Variants in WWOX observed in about 807,000 individuals in gnomAD.
WWOX encodes WW domain-containing oxidoreductase.
Under a neutral mutation model 46.2 loss-of-function variants are expected in WWOX, and 69 were observed. The observed-to-expected ratio is 1.49, with a 90% CI of 1.23 to 1.82. The LOEUF is 1.82. Among genes scored for constraint, WWOX ranks in the 40% most tolerant of loss-of-function variants. The probability of loss-of-function intolerance (pLI) is 0.00; values close to 1 mark genes in which losing one functional copy is unlikely to be tolerated. For synonymous variants in WWOX, 359 were observed against 202.6 expected (o/e 1.77, Z -6.56); for missense variants, 919 against 542.6 (o/e 1.69, Z -6.89).
rs866264919 is a variant in WWOX, at chr16:78,434,032, G to A, written c.1056+1280G>A. Among the ~76,000 whole-genome samples, 8 of 151,848 alleles carry A rather than the reference G, an allele frequency of 5.3e-5. No individual in the cohort carries two copies. In the South Asian group the frequency reaches 8.3e-4, roughly 16 times the overall value. On this transcript the variant is annotated intron_variant, in intron 8 of 8. Coordinates refer to ENST00000566780, the MANE Select transcript of WWOX (RefSeq NM_016373.4). ...TCTCAATCTCCTGACCTCGTGATCCGCCCGCCTCGGCCTCCCAAAGTGCTG... is the reference window on the plus strand; with the variant it reads ...TCTCAATCTCCTGACCTCGTGATCCACCCGCCTCGGCCTCCCAAAGTGCTG...
intron 8 of WWOX, among the ~76,000 whole-genome samples, chr16:78,659,894 A>G (rs1404709409): frequency 6.6e-6 from 1 of 152,196 alleles, no homozygotes; most frequent in African/African-American, 2.4e-5. Context: ...AGGCTCAACT[A>G]TCAGCCGCCT....
At chr16:79,165,917 C>T (rs549746464) in intron 8 of WWOX, among the ~76,000 whole-genome samples, 2 of 152,332 alleles carry the variant, frequency 1.3e-5, no homozygotes, top group African/African-American at 4.8e-5. Flanking sequence ...TACTAATCAA[C>T]TCAATTACCA....
intron 8 of WWOX, among the ~76,000 whole-genome samples, chr16:78,639,400 C>G (rs534007599): frequency 6.6e-6 from 1 of 152,142 alleles, no homozygotes; most frequent in Non-Finnish European, 1.5e-5. Context: ...GAATTATTCT[C>G]TCACTTTGCA....
chr16:79,037,773 CT>C (rs756678561), intron 8 of WWOX, among the ~76,000 whole-genome samples: 8 of 152,092 alleles, frequency 5.3e-5, no homozygotes, highest in African/African-American at 9.7e-5. Flanking sequence ...TTTTTATCCC[CT>C]ACAAGGTCAT....
intron 8 of WWOX, among the ~76,000 whole-genome samples, chr16:78,562,711 G>C (rs567199217): frequency 6.6e-6 from 1 of 152,242 alleles, no homozygotes; most frequent in East Asian, 1.9e-4. Flanking sequence ...CAATCTGATC[G>C]CTCCCCTGAA....
rs2047594275 is a variant in WWOX, at chr16:79,024,341, C to G, written c.1057-187267C>G. 2.0e-5 allele frequency among the ~76,000 whole-genome samples: 3 copies of G among 152,172 alleles called. No homozygotes were observed. In the South Asian group the frequency reaches 6.2e-4, roughly 32 times the overall value. On this transcript the variant is annotated intron_variant, in intron 8 of 8. Transcript: ENST00000566780. ...TGGCACAGTCACAGCTCACTGCAGC[C>G]TCAAACTCCTAAGGTGAAGAGACCC...
At chr16:78,397,089 T>C (rs2082304337) in intron 6 of WWOX, among the ~76,000 whole-genome samples, 1 of 152,340 alleles carries the variant, frequency 6.6e-6, no homozygotes, top group Middle Eastern at 3.4e-3. Flanking sequence ...GTTGTGTGCA[T>C]AGTTAATTTC....
At chr16:78,106,922 G>C (rs2032183938) in intron 1 of WWOX, among the ~76,000 whole-genome samples, 1 of 152,214 alleles carries the variant, frequency 6.6e-6, no homozygotes, top group Non-Finnish European at 1.5e-5. Flanking sequence ...AGCATGGGCT[G>C]CTCAGGTCTT....
intron 8 of WWOX, among the ~76,000 whole-genome samples, chr16:78,824,342 C>G (rs1032374298): frequency 6.6e-6 from 1 of 152,126 alleles, no homozygotes; most frequent in Non-Finnish European, 1.5e-5. Flanking sequence ...TTACTGTATT[C>G]AGTCCAAGCT....
chr16:78,961,682 G>A (rs1214559056), intron 8 of WWOX, among the ~76,000 whole-genome samples: 1 of 152,104 alleles, frequency 6.6e-6, no homozygotes, highest in Non-Finnish European at 1.5e-5. Flanking sequence ...CCCAAGGTGA[G>A]CTTGTTAAAA....
At chr16:78,149,715 C>G (rs376916919) in intron 4 of WWOX, among the ~76,000 whole-genome samples, 14 of 152,094 alleles carry the variant, frequency 9.2e-5, no homozygotes, top group African/African-American at 2.7e-4. Context: ...GCCTATATCT[C>G]GTAATATCCA....
chr16:79,029,806 T>C (rs2047717833), intron 8 of WWOX, among the ~76,000 whole-genome samples: 1 of 152,354 alleles, frequency 6.6e-6, no homozygotes, highest in Non-Finnish European at 1.5e-5. Flanking sequence ...ACTCTCCCGC[T>C]AGTATAAAGA....
intron 8 of WWOX, among the ~76,000 whole-genome samples, chr16:79,141,043 A>C (rs950757592): frequency 2.0e-5 from 3 of 152,212 alleles, no homozygotes; most frequent in Non-Finnish European, 2.9e-5. Context: ...CCCCCAAATC[A>C]CTAAGCTAAA....
chr16:78,152,183 C>T lies in WWOX; in HGVS notation c.410-12000C>T, dbSNP rs926730238. 2.8e-4 allele frequency among the ~76,000 whole-genome samples: 39 copies of T among 138,436 alleles called. 1 individual carries two copies. The highest frequency in any genetic ancestry group is 4.7e-4 in the Non-Finnish European group (30 of 63,896). 90.8% of individuals were successfully genotyped at this position (138,436 alleles called of 152,430 possible). A position where few individuals can be genotyped will look rare whatever the true frequency, so the allele number is the denominator to read the frequency against. On this transcript the variant is annotated intron_variant, in intron 4 of 8. Coordinates refer to ENST00000566780, the MANE Select transcript of WWOX (RefSeq NM_016373.4). ...CCAGCCTGGGCGACAGAGCGAGACT[C>T]CGTCTCAAGAGAAAAAAAAAAAAAA...
At chr16:78,216,017 G>A (rs933809411) in intron 5 of WWOX, among the ~76,000 whole-genome samples, 2 of 152,070 alleles carry the variant, frequency 1.3e-5, no homozygotes, top group Non-Finnish European at 2.9e-5. Flanking sequence ...ACTGGCTCCT[G>A]GCAGGACAGT....
chr16:79,043,505 G>A (rs1361388987), intron 8 of WWOX, among the ~76,000 whole-genome samples: 2 of 152,162 alleles, frequency 1.3e-5, no homozygotes, highest in Non-Finnish European at 2.9e-5. Flanking sequence ...AAGTCCAGGG[G>A]TAGACGTGAG....
At chr16:78,809,836 A>C (rs2051141135) in intron 8 of WWOX, among the ~76,000 whole-genome samples, 2 of 152,152 alleles carry the variant, frequency 1.3e-5, no homozygotes, top group Non-Finnish European at 2.9e-5. Flanking sequence ...CACTGTTCCC[A>C]GGGGATGATG....
At chr16:79,029,480 G>A (rs771056619) in intron 8 of WWOX, among the ~76,000 whole-genome samples, 1 of 152,152 alleles carries the variant, frequency 6.6e-6, no homozygotes, top group African/African-American at 2.4e-5. Context: ...CTCATCTGAA[G>A]TTATACTATT....
intron 8 of WWOX, among the ~76,000 whole-genome samples, chr16:78,491,868 C>T (rs1157329354): frequency 6.6e-6 from 1 of 152,174 alleles, no homozygotes; most frequent in African/African-American, 2.4e-5. Context: ...CCCCTTTACA[C>T]ATTGCCGTTC....
Sources: gnomAD v4.1 joint callset for allele counts (sites outside exome capture counted in the v4.1 genomes callset) on GRCh38, gnomAD v4.1.1 for gene constraint, MANE v1.5 for transcripts, NCBI Gene and HGNC (gene_info 2026-07-23, HGNC 2026-07-21) for gene names.